The following TMEM14B variants were observed in gnomAD, a reference collection of about 807,000 sequenced individuals.
The protein encoded by TMEM14B is transmembrane protein 14B.
Under a neutral mutation model 14.8 loss-of-function variants are expected in TMEM14B, and 9 were observed. That is an observed-to-expected ratio of 0.61 (90% CI 0.37 to 1.06). TMEM14B has a LOEUF of 1.06. Ranked by LOEUF, TMEM14B falls within the 50% of genes least tolerant of loss-of-function variation. TMEM14B has a pLI of 0.01. For missense variants in TMEM14B, 128 were observed against 143.6 expected (o/e 0.89, Z 0.56); for synonymous variants, 40 against 51.3 (o/e 0.78, Z 0.94).
rs1771816131 is a variant in TMEM14B, at chr6:10,756,679, T to TA, written c.*162dup. 15 of 1,395,274 alleles carry TA rather than the reference T, an allele frequency of 1.1e-5. No homozygotes were observed. In the South Asian group the frequency reaches 2.2e-4, roughly 20 times the overall value. The allele number at this position is 1,395,274 out of a possible 1,614,324, so 86.4% of individuals were successfully genotyped here. A position where few individuals can be genotyped will look rare whatever the true frequency, so the allele number is the denominator to read the frequency against. Reference sequence around the variant, plus strand: ...GGCGGAGGGGTGGAAAATCAGTTGTTACCATTATAACCCTACAGAGGTGGT... The same window carrying TA: ...GGCGGAGGGGTGGAAAATCAGTTGTTAACCATTATAACCCTACAGAGGTGGT... On this transcript the variant is annotated 3_prime_UTR_variant, in exon 6 of 6. Coordinates refer to ENST00000379542, the MANE Select transcript of TMEM14B (RefSeq NM_030969.5).
Position 10,755,126 on chromosome 6 carries a change from T to C in TMEM14B, c.203-16T>C, listed in dbSNP as rs758986344. The C allele has an allele frequency of 6.2e-7, 1 of 1,612,866 alleles. No individual in the cohort carries two copies. Among genetic ancestry groups the C allele is most frequent in the Admixed American group, 1.7e-5 (1 of 59,984 alleles). On this transcript the variant is annotated splice_polypyrimidine_tract_variant and intron_variant, in intron 4 of 5. Transcript: ENST00000379542. ...GAAGACTAATGAGTTTTGACCCTTC[T>C]TTGTATCTTTTTCAGCCGCTACATC...
chr6:10,750,390 C>T (rs1230373920), intron 3 of TMEM14B, among the ~76,000 whole-genome samples: 1 of 127,830 alleles, frequency 7.8e-6, no homozygotes, highest in African/African-American at 3.1e-5. Context: ...TTCTCTCGGC[C>T]TTGAAGAAGG....
intron 4 of TMEM14B, among the ~76,000 whole-genome samples, chr6:10,751,740 A>G (rs1288945392): frequency 6.6e-6 from 1 of 152,152 alleles, no homozygotes; most frequent in Non-Finnish European, 1.5e-5. Context: ...CTAACTAAAT[A>G]TATAAGACGT....
intron 2 of TMEM14B, among the ~76,000 whole-genome samples, 167 bp downstream of exon 2, chr6:10,749,435 C>T (rs1771463504): frequency 6.6e-6 from 1 of 152,152 alleles, no homozygotes; most frequent in Non-Finnish European, 1.5e-5. Context: ...CCAGCTCTAG[C>T]TTTGCTTAGT....
chr6:10,756,532 C>A lies in TMEM14B; in HGVS notation c.*14C>A, dbSNP rs780050792. The A allele has an allele frequency of 1.5e-5, 24 of 1,611,138 alleles. No homozygotes were observed. The South Asian group carries it at 2.5e-4, about 17-fold the overall frequency. On this transcript the variant is annotated 3_prime_UTR_variant, in exon 6 of 6. Transcript: ENST00000379542. ...ACATCTGATTAGCAGAAGTCATGTT[C>A]CAGCTTGGACTCATGAAGGATTAAA...
At chr6:10,759,512 T>C (rs1382137767), downstream of TMEM14B, 3 of 152,200 alleles carry the variant, frequency 2.0e-5, no homozygotes, top group Non-Finnish European at 2.9e-5. Context: ...CATTTAAAAT[T>C]GTGATTGCCT....
At chr6:10,757,362 T>C (rs994315153), downstream of TMEM14B, among the ~76,000 whole-genome samples, 10 of 152,234 alleles carry the variant, frequency 6.6e-5, no homozygotes, top group African/African-American at 2.2e-4. Context: ...GGTCTTGCTC[T>C]GTTGCTCAGG....
chr6:10,753,757 A>C (rs547447955), intron 4 of TMEM14B, among the ~76,000 whole-genome samples: 1 of 151,606 alleles, frequency 6.6e-6, no homozygotes, highest in Non-Finnish European at 1.5e-5. Context: ...TTTCCTTTCT[A>C]CCACCCCCTT....
At chr6:10,757,144 T>A (rs1771835149), downstream of TMEM14B, among the ~76,000 whole-genome samples, 1 of 151,792 alleles carries the variant, frequency 6.6e-6, no homozygotes, top group South Asian at 2.1e-4. Context: ...TTGAAGCTTG[T>A]TTCAAAAATG....
Position 10,747,815 on chromosome 6 carries a change from C to G in TMEM14B, c.-111C>G, listed in dbSNP as rs903136152. On this transcript the variant is annotated 5_prime_UTR_variant, in exon 1 of 6. Coordinates refer to ENST00000379542, the MANE Select transcript of TMEM14B (RefSeq NM_030969.5). ...GCGCAGCGCGCACGCAATCGCGTTT[C>G]CGGAGAGACCTGGCTGCTGTGTCCC... 15 of 152,630 alleles carry G rather than the reference C, an allele frequency of 9.8e-5. No homozygotes were observed. The highest frequency in any genetic ancestry group is 3.6e-4 in the African/African-American group (15 of 41,606). 9.5% of individuals were successfully genotyped at this position (152,630 alleles called of 1,614,324 possible).
At chr6:10,755,654 T>C (rs1248344903) in intron 5 of TMEM14B, 43 of 1,117,120 alleles carry the variant, frequency 3.8e-5, no homozygotes, top group Non-Finnish European at 4.7e-5. Flanking sequence ...AATTGTGGTT[T>C]TTAAAAAATG....
At position 10,751,116 on chromosome 6, in the gene TMEM14B, C is replaced by A; in HGVS notation, c.101-17C>A. Reference sequence around the variant, plus strand: ...GTGCCTGACATTACAATGCAAGCTGCGTTTGCTTCCTTCTAGGCAGCGTGC... The same window carrying A: ...GTGCCTGACATTACAATGCAAGCTGAGTTTGCTTCCTTCTAGGCAGCGTGC... On this transcript the variant is annotated splice_polypyrimidine_tract_variant and intron_variant, in intron 3 of 5. Transcript: ENST00000379542. The A allele has an allele frequency of 2.5e-6, 4 of 1,612,742 alleles. No individual in the cohort carries two copies. Among genetic ancestry groups the A allele is most frequent in the Non-Finnish European group, 3.4e-6 (4 of 1,179,794 alleles).
intron 4 of TMEM14B, among the ~76,000 whole-genome samples, chr6:10,754,332 G>C (rs982106582): frequency 6.6e-6 from 1 of 152,132 alleles, no homozygotes; most frequent in African/African-American, 2.4e-5. Flanking sequence ...GGCCTTCAAG[G>C]CTCTATGTGG....
At chr6:10,757,030 G>C (rs1771832810), downstream of TMEM14B, 1 of 956,898 alleles carries the variant, frequency 1.0e-6, no homozygotes, top group African/African-American at 1.8e-5. Flanking sequence ...CATAGAATGA[G>C]ATGTTGCTAG....
intron 5 of TMEM14B, 92 bp downstream of exon 5, chr6:10,755,324 T>G: frequency 6.3e-7 from 1 of 1,589,356 alleles, no homozygotes; most frequent in Non-Finnish European, 8.6e-7. Flanking sequence ...TGTTTCAGAG[T>G]ATCTGATGCT....
chr6:10,759,127 C>G (rs903142820), downstream of TMEM14B: 2 of 161,530 alleles, frequency 1.2e-5, no homozygotes, highest in African/African-American at 4.8e-5. Context: ...ACCATGTTGG[C>G]CAGGCTGGTC....
intron 1 of TMEM14B, among the ~76,000 whole-genome samples, chr6:10,748,476 C>G (rs898852980): frequency 3.3e-5 from 5 of 152,158 alleles, no homozygotes; most frequent in African/African-American, 1.2e-4. Flanking sequence ...TGTTCTCGAA[C>G]TCCTAACCTC....
chr6:10,757,764 G>A (rs533111579), downstream of TMEM14B, among the ~76,000 whole-genome samples: 25 of 152,278 alleles, frequency 1.6e-4, no homozygotes, highest in South Asian at 5.2e-3. Context: ...GCCGAGATGG[G>A]TGGATCACCT....
At chr6:10,758,668 G>A (rs1249094972), downstream of TMEM14B, among the ~76,000 whole-genome samples, 1 of 152,164 alleles carries the variant, frequency 6.6e-6, no homozygotes, top group East Asian at 1.9e-4. Flanking sequence ...GGGGCACAAG[G>A]AGGGGAGTGG....
Sources: allele counts gnomAD v4.1 joint callset (sites outside exome capture counted in the v4.1 genomes callset), GRCh38; gene constraint gnomAD v4.1.1; transcripts MANE v1.5; gene names NCBI Gene and HGNC (gene_info 2026-07-23, HGNC 2026-07-21).